The following RABGEF1 variants were observed in gnomAD, a reference collection of about 807,000 sequenced individuals.
RABGEF1 encodes the protein RAB guanine nucleotide exchange factor 1, also known as rab5 GDP/GTP exchange factor.
A neutral mutation model predicts 57.3 loss-of-function variants in RABGEF1; 26 were observed. The observed-to-expected ratio is 0.45, with a 90% CI of 0.33 to 0.63. The LOEUF (loss-of-function observed/expected upper bound fraction) is 0.63, where lower values mean the gene tolerates loss of function less well. Ranked by LOEUF, RABGEF1 falls within the 20% of genes least tolerant of loss-of-function variation. The pLI is 0.02. For missense variants in RABGEF1, 464 were observed against 607.6 expected (o/e 0.76, Z 2.48); for synonymous variants, 185 against 210.7 (o/e 0.88, Z 1.06).
At chr7:66,775,622 A>G (rs1808336895) in intron 3 of RABGEF1, among the ~76,000 whole-genome samples, 1 of 152,238 alleles carries the variant, frequency 6.6e-6, no homozygotes, top group Non-Finnish European at 1.5e-5. Context: ...AATCAAGAGA[A>G]TTGAAATAGG....
rs941425130 is a variant in RABGEF1, at chr7:66,714,994, GTCC to G, written c.-815+2785_-815+2787del. ...GGTTATCGATTAGAAAACTTTCGTC[GTCC>G]TCCTCCTCCTCCTCTTCTTCTTCCT... is the stretch of plus-strand genomic sequence containing the variant. On this transcript the variant is annotated intron_variant and NMD_transcript_variant, in intron 2 of 9. Coordinates refer to the RABGEF1 transcript ENST00000607882. Among the ~76,000 whole-genome samples the G allele has an allele frequency of 2.6e-3, 396 of 152,014 alleles. 2 individuals carry two copies. The highest frequency in any genetic ancestry group is 4.5e-3 in the African/African-American group (187 of 41,486).
At chr7:66,801,858 G>A (rs1787360157) in intron 7 of RABGEF1, among the ~76,000 whole-genome samples, 1 of 152,134 alleles carries the variant, frequency 6.6e-6, no homozygotes, top group Non-Finnish European at 1.5e-5. Flanking sequence ...AGGCACCAGT[G>A]GTCCCCCGGA....
intron 2 of RABGEF1, among the ~76,000 whole-genome samples, chr7:66,716,917 T>C (rs1485379904): frequency 6.6e-6 from 1 of 152,170 alleles, no homozygotes; most frequent in Non-Finnish European, 1.5e-5. Context: ...TAGCTGGCAC[T>C]ACAGGCGACC....
chr7:66,733,052 C>T (rs1164215883), intron 2 of RABGEF1, among the ~76,000 whole-genome samples: 2 of 152,160 alleles, frequency 1.3e-5, no homozygotes, highest in Non-Finnish European at 2.9e-5. Context: ...GCTCCTTAGC[C>T]GCGTAGTCAA....
At chr7:66,772,707 G>A (rs190949125) in intron 2 of RABGEF1, among the ~76,000 whole-genome samples, 89 of 152,094 alleles carry the variant, frequency 5.9e-4, no homozygotes, top group African/African-American at 2.1e-3. Flanking sequence ...TCAGGAGTTC[G>A]AGACCAGCCT....
chr7:66,695,447 G>T (rs755468652), intron 1 of RABGEF1, among the ~76,000 whole-genome samples: 8 of 152,192 alleles, frequency 5.3e-5, no homozygotes, highest in Non-Finnish European at 1.0e-4. Context: ...CAGGGGCTTT[G>T]ACGCAAGAGG....
At chr7:66,789,096 G>C (rs986199173) in intron 4 of RABGEF1, among the ~76,000 whole-genome samples, 4 of 152,168 alleles carry the variant, frequency 2.6e-5, no homozygotes, top group African/African-American at 4.8e-5. Context: ...AGAACAAGTA[G>C]AAAGATAAGT....
intron 1 of RABGEF1, among the ~76,000 whole-genome samples, chr7:66,751,004 A>C (rs1801274018): frequency 1.3e-5 from 2 of 151,876 alleles, no homozygotes; most frequent in Admixed American, 1.3e-4. Flanking sequence ...TGAAATTCTT[A>C]ATCTTTTTAT....
intron 2 of RABGEF1, among the ~76,000 whole-genome samples, chr7:66,712,422 A>G: frequency 6.6e-6 from 1 of 152,160 alleles, no homozygotes; most frequent in Admixed American, 6.6e-5. Context: ...CTATGTTGCA[A>G]CCTTTACAAA....
At chr7:66,686,957 G>C (rs1436420464) in intron 1 of RABGEF1, among the ~76,000 whole-genome samples, 2 of 151,394 alleles carry the variant, frequency 1.3e-5, no homozygotes, top group East Asian at 1.9e-4. Flanking sequence ...GAGTAGCTGG[G>C]AGTACAGGCA....
At chr7:66,771,739 C>T (rs1269115244) in intron 1 of RABGEF1, 144 bp from the exon 2 acceptor site, 2 of 478,992 alleles carry the variant, frequency 4.2e-6, no homozygotes, top group Non-Finnish European at 7.0e-6. Flanking sequence ...CCTTCCTCCT[C>T]TTTCTCCCTC....
intron 1 of RABGEF1, among the ~76,000 whole-genome samples, chr7:66,754,240 G>T (rs1741614307): frequency 6.6e-6 from 1 of 151,848 alleles, no homozygotes. Flanking sequence ...CTGACCTCAT[G>T]ATCTGCCCAC....
At chr7:66,743,499 T>A (rs1373330645) in intron 1 of RABGEF1, among the ~76,000 whole-genome samples, 1 of 151,574 alleles carries the variant, frequency 6.6e-6, no homozygotes, top group Non-Finnish European at 1.5e-5. Flanking sequence ...CTTGCCTGGC[T>A]AAATTTTTTT....
chr7:66,797,954 TAA>T (rs1255926252), intron 6 of RABGEF1, among the ~76,000 whole-genome samples: 1 of 151,990 alleles, frequency 6.6e-6, no homozygotes, highest in Non-Finnish European at 1.5e-5. Flanking sequence ...CCGTCTCTAC[TAA>T]AAATACAAAA....
chr7:66,781,187 T>G (rs1357625284), intron 3 of RABGEF1, among the ~76,000 whole-genome samples: 4 of 152,178 alleles, frequency 2.6e-5, no homozygotes, highest in Non-Finnish European at 5.9e-5. Flanking sequence ...CTCTTTGTTC[T>G]GTTTTGTTTT....
intron 2 of RABGEF1, among the ~76,000 whole-genome samples, chr7:66,714,261 C>T (rs1229623753): frequency 1.3e-5 from 2 of 152,148 alleles, no homozygotes; most frequent in African/African-American, 2.4e-5. Flanking sequence ...GGACTATTCC[C>T]ATTCTCTGTT....
chr7:66,666,498 CA>C, the RABGEF1 span, among the ~76,000 whole-genome samples: 1 of 152,220 alleles, frequency 6.6e-6, no homozygotes, highest in African/African-American at 2.4e-5. Context: ...GTGCCCACCG[CA>C]CACCCCCTCT....
At chr7:66,772,982 T>C (rs1807551401) in intron 2 of RABGEF1, among the ~76,000 whole-genome samples, 1 of 151,858 alleles carries the variant, frequency 6.6e-6, no homozygotes, top group Non-Finnish European at 1.5e-5. Context: ...TAAAATGCCA[T>C]GAATAATGTT....
chr7:66,788,966 A>G (rs1245468513), intron 4 of RABGEF1, among the ~76,000 whole-genome samples: 1 of 152,126 alleles, frequency 6.6e-6, no homozygotes, highest in African/African-American at 2.4e-5. Flanking sequence ...CTCAAAAAAA[A>G]ATAATAATAA....
Sources: gnomAD v4.1 joint callset for allele counts (sites outside exome capture counted in the v4.1 genomes callset) on GRCh38, gnomAD v4.1.1 for gene constraint, MANE v1.5 for transcripts, NCBI Gene and HGNC (gene_info 2026-07-23, HGNC 2026-07-21) for gene names.